PPM1E: variants seen among roughly 807,000 people sequenced by gnomAD.
PPM1E encodes the protein protein phosphatase, Mg2+/Mn2+ dependent 1E.
Under a neutral mutation model 65.9 loss-of-function variants are expected in PPM1E, and 20 were observed. The observed-to-expected ratio is 0.30, with a 90% CI of 0.21 to 0.44. The LOEUF (loss-of-function observed/expected upper bound fraction) is 0.44, where lower values mean the gene tolerates loss of function less well. Ranked by LOEUF, PPM1E falls within the 20% of genes least tolerant of loss-of-function variation. PPM1E has a pLI of 1.00. For missense variants in PPM1E, 713 were observed against 953.1 expected, an observed-to-expected ratio of 0.75 and a Z score of 3.32; for synonymous variants, 352 against 374.9, an observed-to-expected ratio of 0.94 and a Z score of 0.70.
rs1445541041 is a variant in PPM1E at position 58,806,005 on chromosome 17, A to C, written c.464+49544A>C. 3.6e-4 allele frequency among the ~76,000 whole-genome samples: 53 copies of C among 147,546 alleles called. 2 individuals are homozygous for C. Among genetic ancestry groups the C allele is most frequent in the South Asian group, 6.5e-4 (3 of 4,638 alleles). On this transcript the variant is annotated intron_variant, in intron 1 of 6. Transcript: ENST00000308249. ...AAAAACAAAACAAAACAAAACAAAA[A>C]AAAAACTATATGTAGCATTTGATAC...
intron 1 of PPM1E, among the ~76,000 whole-genome samples, chr17:58,928,796 G>A (rs759783194): frequency 2.7e-5 from 4 of 150,778 alleles, no homozygotes; most frequent in Non-Finnish European, 5.9e-5. Flanking sequence ...TTCGCCTCCC[G>A]GGTTCAAGTG....
At chr17:58,841,783 C>G (rs1288914818) in intron 1 of PPM1E, among the ~76,000 whole-genome samples, 1 of 152,086 alleles carries the variant, frequency 6.6e-6, no homozygotes, top group African/African-American at 2.4e-5. Context: ...CCTCGGCTCA[C>G]TGCAACCTCT....
intron 1 of PPM1E, among the ~76,000 whole-genome samples, chr17:58,921,670 A>T (rs2051752913): frequency 6.6e-6 from 1 of 151,704 alleles, no homozygotes; most frequent in Admixed American, 6.6e-5. Flanking sequence ...ATCTCAAAAA[A>T]AAAAAAAAAA....
intron 1 of PPM1E, among the ~76,000 whole-genome samples, chr17:58,816,396 C>T (rs2050415164): frequency 6.6e-6 from 1 of 151,886 alleles, no homozygotes. Flanking sequence ...ATATATATAA[C>T]ATAAAATTTA....
At position 58,852,109 on chromosome 17, in the gene PPM1E, G is replaced by A. The variant is rs533539683; in HGVS notation, c.464+95648G>A. On this transcript the variant is annotated intron_variant, in intron 1 of 6. Transcript: ENST00000308249. ...ATGGGATATAATCTCCTGGTGTGCTGTTTGCTAAGGCCATTGGAAAAGTGC... is the reference window on the plus strand; with the variant it reads ...ATGGGATATAATCTCCTGGTGTGCTATTTGCTAAGGCCATTGGAAAAGTGC... Among the ~76,000 whole-genome samples the A allele has an allele frequency of 2.0e-5, 3 of 152,304 alleles. No individual in the cohort carries two copies. In the East Asian group the frequency reaches 5.8e-4, roughly 29 times the overall value.
intron 1 of PPM1E, among the ~76,000 whole-genome samples, chr17:58,876,531 T>C (rs1333322524): frequency 2.0e-5 from 3 of 152,170 alleles, no homozygotes; most frequent in African/African-American, 4.8e-5. Context: ...GAAATGGAAA[T>C]ACTGGCAAAC....
intron 1 of PPM1E, among the ~76,000 whole-genome samples, chr17:58,941,389 A>G (rs557707285): frequency 6.6e-6 from 1 of 152,238 alleles, no homozygotes; most frequent in Non-Finnish European, 1.5e-5. Context: ...ACCTTATTCT[A>G]TTTCCTTTAA....
intron 1 of PPM1E, among the ~76,000 whole-genome samples, chr17:58,836,796 C>T (rs900329073): frequency 2.0e-5 from 3 of 148,094 alleles, no homozygotes; most frequent in Non-Finnish European, 4.5e-5. Flanking sequence ...CCGAGACGGG[C>T]GGATCACGAG....
intron 1 of PPM1E, among the ~76,000 whole-genome samples, chr17:58,806,986 G>A (rs922408301): frequency 2.0e-5 from 3 of 151,758 alleles, no homozygotes; most frequent in Non-Finnish European, 2.9e-5. Flanking sequence ...TTCCAGGTGT[G>A]AGCCACCATG....
chr17:58,874,100 G>C (rs992384975), intron 1 of PPM1E, among the ~76,000 whole-genome samples: 1 of 152,124 alleles, frequency 6.6e-6, no homozygotes, highest in African/African-American at 2.4e-5. Context: ...CTAATTGGAG[G>C]TTGTTGGCAT....
intron 1 of PPM1E, among the ~76,000 whole-genome samples, chr17:58,790,148 T>G (rs1267311721): frequency 6.6e-6 from 1 of 152,112 alleles, no homozygotes; most frequent in Non-Finnish European, 1.5e-5. Flanking sequence ...AGCTTCAAAC[T>G]CCTGGGCTCA....
In PPM1E at chr17:58,810,892, C is replaced by G. The variant is rs141937218; in HGVS notation, c.464+54431C>G. ...CTTTTTTTTGAGACAGAGCCTTACTCTCTCACCCAGGCTGGAGTACAGTGG... is the reference window on the plus strand; with the variant it reads ...CTTTTTTTTGAGACAGAGCCTTACTGTCTCACCCAGGCTGGAGTACAGTGG... On this transcript the variant is annotated intron_variant, in intron 1 of 6. Transcript: ENST00000308249. Among the ~76,000 whole-genome samples the G allele has an allele frequency of 1.9e-3, 287 of 152,194 alleles. 1 individual carries two copies. Among genetic ancestry groups the G allele is most frequent in the African/African-American group, 6.6e-3 (273 of 41,522 alleles).
chr17:58,925,522 G>C (rs562204035), intron 1 of PPM1E, among the ~76,000 whole-genome samples: 1 of 151,830 alleles, frequency 6.6e-6, no homozygotes, highest in Admixed American at 6.6e-5. Context: ...CTCACTGCAA[G>C]GTCCGCCTCC....
intron 1 of PPM1E, among the ~76,000 whole-genome samples, chr17:58,810,737 A>G (rs1386999172): frequency 6.6e-6 from 1 of 152,150 alleles, no homozygotes; most frequent in African/African-American, 2.4e-5. Context: ...TGCATCTAAT[A>G]GTTGAACTGT....
intron 1 of PPM1E, among the ~76,000 whole-genome samples, chr17:58,776,217 C>G (rs2144191651): frequency 1.3e-5 from 2 of 151,870 alleles, no homozygotes; most frequent in African/African-American, 4.8e-5. Flanking sequence ...GTCCCAGCTA[C>G]TTAGGAGGCT....
In PPM1E at chr17:58,756,218, C is replaced by G; in HGVS notation, c.221C>G (p.Ala74Gly). Residue 74 changes from alanine to glycine, a missense_variant, in exon 1 of 7, where the codon GCC becomes GGC. By Grantham distance (60) the Ala-to-Gly change is moderately conservative. Coordinates refer to ENST00000308249, the MANE Select transcript of PPM1E (RefSeq NM_014906.5). ...EEPGEEAATVAATEEGDQEQD... is the reference protein window; with the variant it reads ...EEPGEEAATVGATEEGDQEQD... ...CCCGGGGAGGAGGCGGCCACGGTAG[C>G]CGCGACGGAGGAGGGGGACCAGGAG... 1 of 1,554,714 alleles carries G rather than the reference C, an allele frequency of 6.4e-7. No homozygotes were observed.
chr17:58,778,872 G>A (rs1479439296), intron 1 of PPM1E, among the ~76,000 whole-genome samples: 1 of 142,916 alleles, frequency 7.0e-6, no homozygotes, highest in African/African-American at 2.6e-5. Flanking sequence ...TTTAGGAATA[G>A]TTTTCTCTAT....
At chr17:58,862,753 T>G (rs2050955835) in intron 1 of PPM1E, among the ~76,000 whole-genome samples, 1 of 152,232 alleles carries the variant, frequency 6.6e-6, no homozygotes, top group Non-Finnish European at 1.5e-5. Flanking sequence ...AGTAATCATT[T>G]TATTAGGGCC....
chr17:58,758,704 A>G (rs1163514853), intron 1 of PPM1E, among the ~76,000 whole-genome samples: 1 of 152,202 alleles, frequency 6.6e-6, no homozygotes, highest in Non-Finnish European at 1.5e-5. Flanking sequence ...TGTTTTGTAC[A>G]GAAGTTGTTA....
Sources: allele counts gnomAD v4.1 joint callset (sites outside exome capture counted in the v4.1 genomes callset), GRCh38; gene constraint gnomAD v4.1.1; transcripts MANE v1.5; gene names NCBI Gene and HGNC (gene_info 2026-07-23, HGNC 2026-07-21).